The following AFAP1 variants were observed in gnomAD, a reference collection of about 807,000 sequenced individuals.
AFAP1 encodes actin filament-associated protein 1.
A neutral mutation model predicts 93.9 loss-of-function variants in AFAP1; 75 were observed. The observed-to-expected ratio is 0.80, with a 90% CI of 0.66 to 0.97. The LOEUF (loss-of-function observed/expected upper bound fraction) is 0.97, where lower values mean the gene tolerates loss of function less well. Ranked by LOEUF, AFAP1 falls within the 50% of genes least tolerant of loss-of-function variation. The probability of loss-of-function intolerance (pLI) is 0.00; values close to 1 mark genes in which losing one functional copy is unlikely to be tolerated. For synonymous variants in AFAP1, 517 were observed against 430.7 expected, an observed-to-expected ratio of 1.20 and a Z score of -2.48; for missense variants, 1,201 against 1,050.8, an observed-to-expected ratio of 1.14 and a Z score of -1.98.
At chr4:7,818,123 T>C (rs1720646234) in intron 7 of AFAP1, among the ~76,000 whole-genome samples, 1 of 152,086 alleles carries the variant, frequency 6.6e-6, no homozygotes. Context: ...CCCTCTGTAA[T>C]GTGGGTGGGC....
intron 3 of AFAP1, among the ~76,000 whole-genome samples, chr4:7,859,279 T>C (rs4689170): frequency 0.88 from 134,367 of 152,128 alleles, 59,529 homozygotes; most frequent in East Asian, 0.99. Flanking sequence ...ATTAGCCGAG[T>C]GTGGTGGTGG....
intron 1 of AFAP1, among the ~76,000 whole-genome samples, chr4:7,877,621 T>C (rs1025451929): frequency 1.3e-5 from 2 of 152,224 alleles, no homozygotes; most frequent in Non-Finnish European, 2.9e-5. Context: ...CACAGTCATA[T>C]AGCTAGAACA....
chr4:7,869,896 G>C (rs7680747), intron 2 of AFAP1, among the ~76,000 whole-genome samples: 5 of 151,964 alleles, frequency 3.3e-5, no homozygotes, highest in African/African-American at 7.2e-5. Flanking sequence ...GCAAATTAAA[G>C]AGCTGAAGAA....
chr4:7,813,862 T>C (rs1720252154), intron 8 of AFAP1, among the ~76,000 whole-genome samples: 2 of 152,160 alleles, frequency 1.3e-5, no homozygotes, highest in South Asian at 2.1e-4. Flanking sequence ...GTGGGCTGGA[T>C]TGCTACTTGG....
chr4:7,793,974 G>A lies in AFAP1; in HGVS notation c.1267-148C>T, dbSNP rs956680835. 1.0e-5 allele frequency: 9 copies of A among 896,534 alleles called. No individual in the cohort carries two copies. In the South Asian group the frequency reaches 2.6e-4, roughly 26 times the overall value. The allele number at this position is 896,534 out of a possible 1,614,324, so 55.5% of individuals were successfully genotyped here. A position where few individuals can be genotyped will look rare whatever the true frequency, so the allele number is the denominator to read the frequency against. On this transcript the variant is annotated intron_variant, in intron 10 of 17. Coordinates refer to ENST00000420658, the MANE Select transcript of AFAP1 (RefSeq NM_001134647.2). ...CGAAAAGGAAGATGGCTGAGCGATG[G>A]GATTAACGTCACGTTCGCAGCAGGC... is the stretch of plus-strand genomic sequence containing the variant.
intron 17 of AFAP1, 53 bp downstream of exon 17, chr4:7,768,784 TGCTGGGA>T: frequency 6.7e-7 from 1 of 1,481,748 alleles, no homozygotes; most frequent in African/African-American, 1.4e-5. Flanking sequence ...CACCCGAGAA[TGCTGGGA>T]GCTTAAAGTG....
At chr4:7,804,063 A>T (rs945858493) in intron 9 of AFAP1, among the ~76,000 whole-genome samples, 4 of 152,140 alleles carry the variant, frequency 2.6e-5, no homozygotes, top group Non-Finnish European at 5.9e-5. Context: ...TCATCTAAGG[A>T]GTCTAGAGTC....
chr4:7,816,979 G>T (rs918239008), intron 7 of AFAP1, among the ~76,000 whole-genome samples: 1 of 152,216 alleles, frequency 6.6e-6, no homozygotes, highest in Non-Finnish European at 1.5e-5. Context: ...TCTCACACCA[G>T]GAACAGCTGG....
At chr4:7,932,849 G>A (rs1184623701) in intron 1 of AFAP1, among the ~76,000 whole-genome samples, 2 of 151,904 alleles carry the variant, frequency 1.3e-5, no homozygotes, top group South Asian at 2.1e-4. Context: ...GTGAAACCCT[G>A]TCTCTACAAA....
intron 1 of AFAP1, among the ~76,000 whole-genome samples, chr4:7,900,883 T>G (rs911621254): frequency 6.6e-6 from 1 of 152,192 alleles, no homozygotes; most frequent in Non-Finnish European, 1.5e-5. Flanking sequence ...AAGAAACTGC[T>G]AGGTTCAAAT....
Position 7,851,109 on chromosome 4 carries a change from TG to T in AFAP1, c.334+4356del, listed in dbSNP as rs554792251. ...CCCAGGCAAGGCGAGGGTGGACCTC[TG>T]GGAGTTTGGAGCACGGCTACACCAT... On this transcript the variant is annotated intron_variant, in intron 4 of 17. Transcript: ENST00000420658. Among the ~76,000 whole-genome samples the T allele has an allele frequency of 7.2e-5, 11 of 152,336 alleles. No individual in the cohort carries two copies. The South Asian group carries it at 1.9e-3, about 26-fold the overall frequency.
chr4:7,899,814 C>T (rs1719010137), intron 1 of AFAP1, among the ~76,000 whole-genome samples: 3 of 147,040 alleles, frequency 2.0e-5, no homozygotes, highest in South Asian at 2.2e-4. Flanking sequence ...CAACTGAAAA[C>T]ACCAAAGATT....
At chr4:7,785,754 T>C (rs960687328) in intron 12 of AFAP1, among the ~76,000 whole-genome samples, 2 of 152,000 alleles carry the variant, frequency 1.3e-5, no homozygotes, top group Admixed American at 6.5e-5. Context: ...CTTGCCAATA[T>C]AGGGAGATCC....
chr4:7,833,589 C>CTCT, intron 6 of AFAP1, among the ~76,000 whole-genome samples: 1 of 131,786 alleles, frequency 7.6e-6, no homozygotes, highest in Admixed American at 7.8e-5. Context: ...GTGGAGATGT[C>CTCT]TTTTTTTTTT....
In AFAP1 at chr4:7,761,472, T is replaced by C. The variant is rs1177169139; in HGVS notation, c.*2293A>G. The C allele has an allele frequency of 6.6e-6, 1 of 152,266 alleles. No individual in the cohort carries two copies. Among genetic ancestry groups the C allele is most frequent in the Non-Finnish European group, 1.5e-5 (1 of 68,034 alleles). The allele number at this position is 152,266 out of a possible 1,614,324, so 9.4% of individuals were successfully genotyped here. A position where few individuals can be genotyped will look rare whatever the true frequency, so the allele number is the denominator to read the frequency against. ...GCTAAGGCTCCGGGGCCTCCTTGCC[T>C]GGTGAGGAAGCTGGTGGGTGACGGC... On this transcript the variant is annotated 3_prime_UTR_variant, in exon 18 of 18. Transcript: ENST00000420658.
intron 10 of AFAP1, among the ~76,000 whole-genome samples, chr4:7,797,771 T>C (rs995335150): frequency 5.3e-5 from 8 of 152,184 alleles, no homozygotes; most frequent in African/African-American, 1.9e-4. Flanking sequence ...ACACTGTGGT[T>C]CTGGTAAGGT....
intron 1 of AFAP1, among the ~76,000 whole-genome samples, chr4:7,935,455 T>C (rs1485825371): frequency 6.6e-6 from 1 of 152,160 alleles, no homozygotes; most frequent in African/African-American, 2.4e-5. Flanking sequence ...CCTGAAATAA[T>C]AGACACCTAT....
chr4:7,857,903 G>C (rs1353250037), intron 3 of AFAP1, among the ~76,000 whole-genome samples: 1 of 152,070 alleles, frequency 6.6e-6, no homozygotes, highest in Non-Finnish European at 1.5e-5. Flanking sequence ...CCCTATTGGT[G>C]GTCATGTACT....
At chr4:7,847,816 C>G (rs1713913536) in intron 4 of AFAP1, among the ~76,000 whole-genome samples, 1 of 146,500 alleles carries the variant, frequency 6.8e-6, no homozygotes, top group African/African-American at 2.6e-5. Flanking sequence ...TGATTAGATA[C>G]CATCAGGCCC....
Sources: allele counts gnomAD v4.1 joint callset (sites outside exome capture counted in the v4.1 genomes callset), GRCh38; gene constraint gnomAD v4.1.1; transcripts MANE v1.5; gene names NCBI Gene and HGNC (gene_info 2026-07-23, HGNC 2026-07-21).